Variants in ZCCHC7 observed in about 807,000 individuals in gnomAD.
ZCCHC7 encodes the protein zinc finger CCHC domain-containing protein 7.
Under a neutral mutation model 52.0 loss-of-function variants are expected in ZCCHC7, and 35 were observed. That is an observed-to-expected ratio of 0.67 (90% CI 0.51 to 0.89). The LOEUF is 0.89. ZCCHC7 is among the 40% of genes least tolerant of loss of function. The probability of loss-of-function intolerance (pLI) is 0.00; values close to 1 mark genes in which losing one functional copy is unlikely to be tolerated. For missense variants in ZCCHC7, 574 were observed against 649.1 expected (o/e 0.88, Z 1.26); for synonymous variants, 217 against 221.5 (o/e 0.98, Z 0.18).
chr9:37,265,557 C>G (rs1441744533), intron 2 of ZCCHC7, among the ~76,000 whole-genome samples: 1 of 152,154 alleles, frequency 6.6e-6, no homozygotes. Context: ...TGGCCAAATA[C>G]TGTTTGTTCT....
At chr9:37,308,903 C>G (rs746672905) in intron 5 of ZCCHC7, among the ~76,000 whole-genome samples, 132 of 151,180 alleles carry the variant, frequency 8.7e-4, no homozygotes, top group African/African-American at 2.9e-3. Context: ...ATCGCTTGAA[C>G]CTGGGAGGCA....
intron 2 of ZCCHC7, among the ~76,000 whole-genome samples, chr9:37,189,992 C>G (rs904923694): frequency 3.3e-5 from 5 of 152,182 alleles, no homozygotes; most frequent in Admixed American, 3.3e-4. Context: ...TTCATAATCT[C>G]TCTGGTACTT....
chr9:37,322,181 A>G (rs1564253832), intron 5 of ZCCHC7: 1 of 152,174 alleles, frequency 6.6e-6, no homozygotes. Context: ...TTCACTACCA[A>G]ACCAGTTAGA....
At chr9:37,281,592 AC>A (rs1827960721) in intron 2 of ZCCHC7, among the ~76,000 whole-genome samples, 1 of 150,538 alleles carries the variant, frequency 6.6e-6, no homozygotes, top group African/African-American at 2.5e-5. Context: ...ATATTTTATC[AC>A]ATGTGATTGT....
chr9:37,289,717 TA>T (rs1285401022), intron 2 of ZCCHC7, among the ~76,000 whole-genome samples: 1 of 152,164 alleles, frequency 6.6e-6, no homozygotes, highest in East Asian at 1.9e-4. Flanking sequence ...TCACTCAGAG[TA>T]AAAGTCAAAA....
chr9:37,215,057 A>T (rs546021645), intron 2 of ZCCHC7, among the ~76,000 whole-genome samples: 1 of 152,120 alleles, frequency 6.6e-6, no homozygotes, highest in Non-Finnish European at 1.5e-5. Context: ...ACAAACAGTT[A>T]TGAATATGAA....
chr9:37,206,828 C>T (rs190598137), intron 2 of ZCCHC7, among the ~76,000 whole-genome samples: 8 of 152,212 alleles, frequency 5.3e-5, no homozygotes, highest in Middle Eastern at 3.4e-3. Flanking sequence ...TTCAACTTAC[C>T]TATTTCCTTT....
At chr9:37,344,594 G>T (rs1395271548) in intron 6 of ZCCHC7, among the ~76,000 whole-genome samples, 1 of 152,140 alleles carries the variant, frequency 6.6e-6, no homozygotes, top group Non-Finnish European at 1.5e-5. Flanking sequence ...CACATACATG[G>T]CTTTTCTTGT....
intron 2 of ZCCHC7, among the ~76,000 whole-genome samples, chr9:37,268,163 T>G (rs1446058188): frequency 6.6e-6 from 1 of 152,202 alleles, no homozygotes; most frequent in East Asian, 1.9e-4. Flanking sequence ...CCCACAGTGC[T>G]TAACACAGAG....
At chr9:37,236,950 ACTT>A (rs755343176) in intron 2 of ZCCHC7, among the ~76,000 whole-genome samples, 2 of 152,160 alleles carry the variant, frequency 1.3e-5, no homozygotes, top group African/African-American at 2.4e-5. Flanking sequence ...TTCAATTTGA[ACTT>A]CTTCAAGAGG....
chr9:37,179,278 C>G (rs1822221921), intron 2 of ZCCHC7, among the ~76,000 whole-genome samples: 1 of 151,970 alleles, frequency 6.6e-6, no homozygotes, highest in African/African-American at 2.4e-5. Flanking sequence ...CATGCCTTTC[C>G]CTTTTTGTCT....
chr9:37,302,659 GTAC>G (rs1275103783), intron 3 of ZCCHC7, among the ~76,000 whole-genome samples: 1 of 152,176 alleles, frequency 6.6e-6, no homozygotes, highest in Non-Finnish European at 1.5e-5. Context: ...TAGCTAGATT[GTAC>G]TTACATGTGG....
chr9:37,289,027 G>T (rs1435580733), intron 2 of ZCCHC7, among the ~76,000 whole-genome samples: 1 of 152,036 alleles, frequency 6.6e-6, no homozygotes, highest in Non-Finnish European at 1.5e-5. Flanking sequence ...AATCCAGCCT[G>T]TCCAAACTAA....
At chr9:37,184,867 C>T (rs891374714) in intron 2 of ZCCHC7, among the ~76,000 whole-genome samples, 5 of 152,044 alleles carry the variant, frequency 3.3e-5, no homozygotes, top group African/African-American at 1.2e-4. Flanking sequence ...TATGAATGTT[C>T]TAAAATTCAT....
intron 2 of ZCCHC7, among the ~76,000 whole-genome samples, chr9:37,220,772 A>G (rs763971656): frequency 2.2e-4 from 34 of 152,152 alleles, no homozygotes; most frequent in African/African-American, 3.1e-4. Context: ...GAAGTGAGCA[A>G]AGGTATGGAG....
intron 2 of ZCCHC7, among the ~76,000 whole-genome samples, chr9:37,291,012 TTTA>T (rs1397493952): frequency 1.3e-5 from 2 of 152,192 alleles, no homozygotes; most frequent in Non-Finnish European, 2.9e-5. Flanking sequence ...ATCCTTCACT[TTTA>T]TTATTGTGCT....
intron 2 of ZCCHC7, among the ~76,000 whole-genome samples, chr9:37,149,207 G>T (rs992948638): frequency 6.6e-6 from 1 of 152,000 alleles, no homozygotes; most frequent in African/African-American, 2.4e-5. Flanking sequence ...TGTACAGTAT[G>T]GTATAGAATT....
chr9:37,317,046 G>T (rs1034803915), intron 5 of ZCCHC7, among the ~76,000 whole-genome samples: 3 of 152,112 alleles, frequency 2.0e-5, no homozygotes, highest in Non-Finnish European at 4.4e-5. Flanking sequence ...GAATAGAGAA[G>T]ACAGACGAAA....
chr9:37,243,001 A>C (rs1210451435), intron 2 of ZCCHC7, among the ~76,000 whole-genome samples: 1 of 151,880 alleles, frequency 6.6e-6, no homozygotes, highest in South Asian at 2.1e-4. Context: ...TACCTATGAC[A>C]TAAGAAGCAC....
Sources: allele counts gnomAD v4.1 joint callset (sites outside exome capture counted in the v4.1 genomes callset), GRCh38; gene constraint gnomAD v4.1.1; transcripts MANE v1.5; gene names NCBI Gene and HGNC (gene_info 2026-07-23, HGNC 2026-07-21).